RPAP3: variants seen among roughly 807,000 people sequenced by gnomAD.
RPAP3 encodes RNA polymerase II-associated protein 3.
In RPAP3, 58 loss-of-function variants were observed where a neutral mutation model predicts 88.8. That is an observed-to-expected ratio of 0.65 (90% CI 0.53 to 0.81). RPAP3 has a LOEUF of 0.81. RPAP3 is among the 40% of genes least tolerant of loss of function. The pLI is 0.00. For synonymous variants in RPAP3, 255 were observed against 259.9 expected (o/e 0.98, Z 0.18); for missense variants, 751 against 764.3 (o/e 0.98, Z 0.20).
intron 12 of RPAP3, among the ~76,000 whole-genome samples, chr12:47,677,125 G>C (rs1939131795): frequency 6.6e-6 from 1 of 152,116 alleles, no homozygotes; most frequent in Non-Finnish European, 1.5e-5. Context: ...CACATAAACA[G>C]AACCAACGAC....
intron 7 of RPAP3, 28 bp from the exon 8 acceptor site, chr12:47,688,029 A>G: frequency 6.3e-7 from 1 of 1,583,832 alleles, no homozygotes. Context: ...CAGCTAAAAT[A>G]AAACAAAGTA....
intron 6 of RPAP3, among the ~76,000 whole-genome samples, chr12:47,689,501 G>C (rs776969464): frequency 1.3e-5 from 2 of 152,084 alleles, no homozygotes; most frequent in Non-Finnish European, 2.9e-5. Context: ...AACAAGTTCA[G>C]CTAATTTTTG....
rs544577719 is a variant in RPAP3 at position 47,685,041 on chromosome 12, T to C, written c.992+1739A>G. 2.6e-5 allele frequency among the ~76,000 whole-genome samples: 4 copies of C among 152,344 alleles called. No individual in the cohort carries two copies. In the South Asian group the frequency reaches 8.3e-4, roughly 32 times the overall value. Reference sequence around the variant, plus strand: ...AAATAAAATTTAGCTATCTTTCAAATACAAATGCAGACAATAGTATCTATC... The same window carrying C: ...AAATAAAATTTAGCTATCTTTCAAACACAAATGCAGACAATAGTATCTATC... On this transcript the variant is annotated intron_variant, in intron 9 of 16. Transcript: ENST00000005386.
chr12:47,703,666 T>A (rs973750053), intron 1 of RPAP3, among the ~76,000 whole-genome samples: 1 of 151,882 alleles, frequency 6.6e-6, no homozygotes, highest in African/African-American at 2.4e-5. Flanking sequence ...GCCCGCCAAG[T>A]GACTAACAGG....
Position 47,693,373 on chromosome 12 carries a change from C to G in RPAP3, c.546-2734G>C, listed in dbSNP as rs115616051. 3.2e-3 allele frequency among the ~76,000 whole-genome samples: 494 copies of G among 152,252 alleles called. 8 individuals are homozygous for G. Among genetic ancestry groups the G allele is most frequent in the South Asian group, 0.029 (140 of 4,826 alleles). ...AATAGAAACATCAAAGATCCCTGAT[C>G]AGAGATCACCATAACAGATACAATT... On this transcript the variant is annotated intron_variant, in intron 5 of 16. Transcript: ENST00000005386.
At chr12:47,668,854 A>C (rs1298411396) in intron 14 of RPAP3, 62 bp downstream of exon 14, 1 of 1,279,562 alleles carries the variant, frequency 7.8e-7, no homozygotes, top group Non-Finnish European at 1.1e-6. Context: ...CCATTATTAT[A>C]AAGTGACAGA....
chr12:47,696,464 C>T, intron 4 of RPAP3, 61 bp from the exon 5 acceptor site: 1 of 1,250,538 alleles, frequency 8.0e-7, no homozygotes, highest in East Asian at 2.7e-5. Flanking sequence ...TACAGTTGAC[C>T]CTTGAACGAC....
chr12:47,691,872 A>C (rs147559682), intron 5 of RPAP3, among the ~76,000 whole-genome samples: 7,291 of 152,022 alleles, frequency 0.048, 249 homozygotes, highest in Middle Eastern at 0.078. Context: ...CAGCCTCCCA[A>C]GTAGCTGGGA....
chr12:47,697,335 GT>G (rs1939552558), intron 4 of RPAP3, among the ~76,000 whole-genome samples: 1 of 152,122 alleles, frequency 6.6e-6, no homozygotes. Flanking sequence ...ACCCGTTGAG[GT>G]TGGTAATATT....
intron 12 of RPAP3, among the ~76,000 whole-genome samples, chr12:47,678,199 T>G (rs889893255): frequency 6.6e-6 from 1 of 152,126 alleles, no homozygotes; most frequent in Non-Finnish European, 1.5e-5. Context: ...TAGCCATATG[T>G]AGAAAGCTGA....
chr12:47,697,059 G>A (rs1010801053), intron 4 of RPAP3, among the ~76,000 whole-genome samples: 4 of 152,112 alleles, frequency 2.6e-5, no homozygotes, highest in African/African-American at 9.7e-5. Context: ...CCAAAAAAAA[G>A]CATCAAGAGT....
intron 8 of RPAP3, 86 bp from the exon 9 acceptor site, chr12:47,686,993 A>G (rs1939339947): frequency 1.3e-6 from 1 of 750,062 alleles, no homozygotes; most frequent in South Asian, 2.5e-5. Flanking sequence ...CACTGCAAGG[A>G]TATTCACCAA....
intron 1 of RPAP3, among the ~76,000 whole-genome samples, chr12:47,704,543 AT>A (rs63079361): frequency 2.8e-3 from 389 of 139,636 alleles, no homozygotes; most frequent in Middle Eastern, 7.3e-3. Flanking sequence ...TAATTTTTGT[AT>A]TTTTTTTTTT....
intron 7 of RPAP3, among the ~76,000 whole-genome samples, chr12:47,688,533 A>G (rs1383094029): frequency 6.6e-6 from 1 of 152,230 alleles, no homozygotes; most frequent in African/African-American, 2.4e-5. Flanking sequence ...ATCCATTAAA[A>G]GTAGTTGCTC....
chr12:47,677,502 C>G (rs1043899699), intron 12 of RPAP3, among the ~76,000 whole-genome samples: 1 of 152,128 alleles, frequency 6.6e-6, no homozygotes, highest in African/African-American at 2.4e-5. Flanking sequence ...CCCATCGTCT[C>G]AGCCCAAAAT....
chr12:47,701,048 C>T (rs1939644979), intron 3 of RPAP3: 1 of 152,380 alleles, frequency 6.6e-6, no homozygotes, highest in Non-Finnish European at 1.5e-5. Context: ...GTTATCCAAA[C>T]CTACACATGG....
At chr12:47,665,378 A>G (rs1938849255) in intron 16 of RPAP3, among the ~76,000 whole-genome samples, 1 of 151,074 alleles carries the variant, frequency 6.6e-6, no homozygotes, top group African/African-American at 2.4e-5. Context: ...CGGCCTCCCA[A>G]AGTGCTGCAA....
intron 14 of RPAP3, among the ~76,000 whole-genome samples, chr12:47,668,344 A>G (rs1329596874): frequency 6.6e-6 from 1 of 152,228 alleles, no homozygotes; most frequent in Non-Finnish European, 1.5e-5. Context: ...TTATGAGCAG[A>G]AGAGATATAC....
Position 47,686,856 on chromosome 12 carries a change from T to C in RPAP3, c.916A>G (p.Thr306Ala). The C allele has an allele frequency of 1.9e-6, 3 of 1,592,920 alleles. No homozygotes were observed. The highest frequency in any genetic ancestry group is 2.6e-6 in the Non-Finnish European group (3 of 1,162,566). The change falls in exon 9 of 17, where the codon ACT (threonine) becomes GCT (alanine). Residue 306 changes from threonine (T) to alanine (A), a missense_variant. Physicochemically the swap from Thr to Ala is moderately conservative, Grantham distance 58. Coordinates refer to ENST00000005386, the MANE Select transcript of RPAP3 (RefSeq NM_024604.3). ...GKYERAIECY[T>A]RGIAADGANA... ...GCACCATCTGCTGCTATCCCTCGAG[T>C]ATAGCATTCAATTGCTCTTTCATAT...
Sources: gnomAD v4.1 joint callset for allele counts (sites outside exome capture counted in the v4.1 genomes callset) on GRCh38, gnomAD v4.1.1 for gene constraint, MANE v1.5 for transcripts, NCBI Gene and HGNC (gene_info 2026-07-23, HGNC 2026-07-21) for gene names.